Variants in CAST observed in about 807,000 individuals in gnomAD.
CAST encodes the protein calpastatin, also known as MIR583 host.
In CAST, 76 loss-of-function variants were observed where a neutral mutation model predicts 119.6. The observed-to-expected ratio is 0.64, with a 90% CI of 0.53 to 0.77. CAST has a LOEUF of 0.77. Among genes scored for constraint, CAST ranks in the 30% least tolerant of loss-of-function variants. CAST has a pLI of 0.00. For missense variants in CAST, 953 were observed against 946.5 expected, an observed-to-expected ratio of 1.01 and a Z score of -0.09; for synonymous variants, 319 against 331.6, an observed-to-expected ratio of 0.96 and a Z score of 0.41.
Position 96,746,399 on chromosome 5 carries a change from T to A in CAST, c.1258T>A (p.Ser420Thr). The A allele has an allele frequency of 6.2e-7, 1 of 1,610,480 alleles. No homozygotes were observed. The highest frequency in any genetic ancestry group is 8.5e-7 in the Non-Finnish European group (1 of 1,176,618). The change falls in exon 17 of 32, where the codon TCT becomes ACT. Residue 420 changes from serine to threonine, a missense_variant. By Grantham distance (58) the Ser-to-Thr change is moderately conservative. Coordinates refer to ENST00000675179, the MANE Select transcript of CAST (RefSeq NM_001750.7). The stretch of plus-strand genomic sequence containing the variant: ...TGGTGAGGATGATGAAACAATCCCA[T>A]CTGAGTACAGATTAAAACCAGCCAC... ...KCGEDDETIP[S>T]EYRLKPATDK...
chr5:96,521,764 G>A (rs1745522174), upstream of CAST, among the ~76,000 whole-genome samples: 2 of 152,288 alleles, frequency 1.3e-5, no homozygotes, highest in South Asian at 2.1e-4. Context: ...AGATAACCAA[G>A]TAATGTTTGA....
At chr5:96,707,016 A>G (rs1405046768) in intron 3 of CAST, among the ~76,000 whole-genome samples, 1 of 152,054 alleles carries the variant, frequency 6.6e-6, no homozygotes, top group Non-Finnish European at 1.5e-5. Context: ...TTTCTTCACC[A>G]CTCAACCCGA....
chr5:96,126,466 T>A, the CAST span, among the ~76,000 whole-genome samples: 1 of 152,174 alleles, frequency 6.6e-6, no homozygotes, highest in Non-Finnish European at 1.5e-5. Context: ...ACTCATACTA[T>A]ATATAACTGA....
the CAST span, among the ~76,000 whole-genome samples, chr5:96,288,355 G>C: frequency 6.6e-6 from 1 of 152,096 alleles, no homozygotes; most frequent in Non-Finnish European, 1.5e-5. Context: ...GCATGCTACT[G>C]GTGAGGTACA....
At chr5:96,495,748 A>C in the CAST span, among the ~76,000 whole-genome samples, 5 of 152,204 alleles carry the variant, frequency 3.3e-5, no homozygotes, top group Non-Finnish European at 7.3e-5. Context: ...GTGTCTTTAT[A>C]GTAGAATTGT....
the CAST span, among the ~76,000 whole-genome samples, chr5:96,219,086 T>C: frequency 1.1e-4 from 17 of 152,230 alleles, no homozygotes; most frequent in Non-Finnish European, 1.5e-4. Flanking sequence ...GCTCAGTTAA[T>C]GTGAGGTATT....
chr5:96,556,264 A>G (rs550043315), intron 1 of CAST, among the ~76,000 whole-genome samples: 4 of 152,316 alleles, frequency 2.6e-5, no homozygotes, highest in African/African-American at 9.6e-5. Flanking sequence ...TGGGGAAAAA[A>G]CAGAGCAGAA....
the CAST span, among the ~76,000 whole-genome samples, chr5:96,302,739 G>T: frequency 6.6e-6 from 1 of 152,182 alleles, no homozygotes; most frequent in Admixed American, 6.5e-5. Context: ...CTTTATTCCA[G>T]TTCCCAATAA....
At chr5:96,010,194 T>A in the CAST span, among the ~76,000 whole-genome samples, 1 of 152,236 alleles carries the variant, frequency 6.6e-6, no homozygotes, top group Non-Finnish European at 1.5e-5. Context: ...TTGGTTACTG[T>A]AGTCTTATAG....
At chr5:96,089,641 T>G in the CAST span, among the ~76,000 whole-genome samples, 20 of 152,346 alleles carry the variant, frequency 1.3e-4, no homozygotes, top group East Asian at 1.2e-3. Flanking sequence ...AAGGGCTGTA[T>G]GTATACATGT....
chr5:96,303,791 A>T, the CAST span, among the ~76,000 whole-genome samples: 4 of 152,070 alleles, frequency 2.6e-5, no homozygotes, highest in Non-Finnish European at 5.9e-5. Context: ...ACCCTTTTTT[A>T]TGGCTGCATA....
upstream of CAST, among the ~76,000 whole-genome samples, chr5:96,527,200 A>G (rs924972446): frequency 6.6e-5 from 10 of 152,200 alleles, no homozygotes; most frequent in African/African-American, 2.4e-4. Context: ...AAGATAAGCT[A>G]CACATTTACA....
chr5:96,520,284 G>T (rs1745493500), upstream of CAST, among the ~76,000 whole-genome samples: 1 of 152,138 alleles, frequency 6.6e-6, no homozygotes, highest in South Asian at 2.1e-4. Flanking sequence ...CTTTCTATTT[G>T]CTTCTGCTAT....
the CAST span, among the ~76,000 whole-genome samples, chr5:96,372,583 G>A: frequency 1.3e-5 from 2 of 152,300 alleles, no homozygotes; most frequent in African/African-American, 4.8e-5. Flanking sequence ...CAGAGAACAA[G>A]CAAGCCTGAT....
chr5:96,118,706 C>A, the CAST span, among the ~76,000 whole-genome samples: 1,111 of 151,584 alleles, frequency 7.3e-3, 15 homozygotes, highest in African/African-American at 0.026. Flanking sequence ...GAAGCCAATC[C>A]ATCTAAAAGA....
intron 10 of CAST, 126 bp downstream of exon 10, chr5:96,736,366 T>C (rs1235122317): frequency 1.7e-6 from 1 of 574,592 alleles, no homozygotes; most frequent in Non-Finnish European, 3.0e-6. Flanking sequence ...TAATGAATTA[T>C]TGTTTCAAGC....
the CAST span, among the ~76,000 whole-genome samples, chr5:96,276,648 A>G: frequency 6.6e-6 from 1 of 152,242 alleles, no homozygotes; most frequent in South Asian, 2.1e-4. Flanking sequence ...TACAGAAAAT[A>G]AGTGTAACAG....
chr5:96,765,326 GTAAA>G lies in CAST; in HGVS notation c.2037+2_2037+5del, dbSNP rs1581394349. ...CAAACCAATGGAAGATAAAGTAAAG[GTAAA>G]AAAAAAAAAAAAAAAAAAAAAAATT... On this transcript the variant is annotated splice_donor_variant and splice_donor_5th_base_variant and intron_variant, in intron 26 of 31. Transcript: ENST00000675179. LOFTEE classifies it high-confidence loss of function. The G allele has an allele frequency of 1.7e-5, 7 of 402,490 alleles. No individual in the cohort carries two copies. The East Asian group carries it at 3.6e-4, about 21-fold the overall frequency. The allele number at this position is 402,490 out of a possible 1,614,324, so 24.9% of individuals were successfully genotyped here.
intron 16 of CAST, among the ~76,000 whole-genome samples, chr5:96,745,727 A>G (rs887652058): frequency 2.0e-5 from 3 of 152,246 alleles, no homozygotes; most frequent in African/African-American, 7.2e-5. Flanking sequence ...TTCATGGTTC[A>G]GTAAGCTAGA....
Sources: gnomAD v4.1 joint callset for allele counts (sites outside exome capture counted in the v4.1 genomes callset) on GRCh38, gnomAD v4.1.1 for gene constraint, MANE v1.5 for transcripts, NCBI Gene and HGNC (gene_info 2026-07-23, HGNC 2026-07-21) for gene names.